The following AUTS2 variants were observed in gnomAD, a reference collection of about 807,000 sequenced individuals.
AUTS2 encodes autism susceptibility gene 2 protein.
A neutral mutation model predicts 112.4 loss-of-function variants in AUTS2; 17 were observed. That is an observed-to-expected ratio of 0.15 (90% confidence interval 0.10 to 0.23). AUTS2 has a LOEUF of 0.23. AUTS2 is among the 10% of genes least tolerant of loss of function. The pLI is 1.00. For missense variants in AUTS2, 1,510 were observed against 1,701.6 expected (o/e 0.89, Z 1.98); for synonymous variants, 751 against 702.7 (o/e 1.07, Z -1.09).
intron 5 of AUTS2, among the ~76,000 whole-genome samples, chr7:70,521,180 T>C (rs535002295): frequency 6.6e-6 from 1 of 152,330 alleles, no homozygotes; most frequent in South Asian, 2.1e-4. Context: ...CCCCAGGCTG[T>C]GTGTACTCTT....
intron 1 of AUTS2, among the ~76,000 whole-genome samples, chr7:69,708,110 T>G (rs1160720275): frequency 6.6e-6 from 1 of 152,150 alleles, no homozygotes; most frequent in Non-Finnish European, 1.5e-5. Flanking sequence ...AGTCTCTTCA[T>G]GAAAGCTCAG....
intron 2 of AUTS2, among the ~76,000 whole-genome samples, chr7:69,913,895 C>T (rs1795458747): frequency 6.6e-6 from 1 of 152,146 alleles, no homozygotes; most frequent in Admixed American, 6.5e-5. Flanking sequence ...CCCTGGACAC[C>T]TTATGCTATC....
chr7:70,116,528 C>T (rs1805364249), intron 2 of AUTS2, among the ~76,000 whole-genome samples: 1 of 152,148 alleles, frequency 6.6e-6, no homozygotes, highest in African/African-American at 2.4e-5. Context: ...TTTGAAGTTT[C>T]CTCCTGTCTA....
rs183033011 is a variant in AUTS2 at position 70,542,778 on chromosome 7, C to G, written c.690+106997C>G. ...CACACAGTTATACTGAGTAGCTGAG[C>G]CAGGTGTCTTAAATCCAGGTTGTCT... On this transcript the variant is annotated intron_variant, in intron 5 of 18. Coordinates refer to ENST00000342771, the MANE Select transcript of AUTS2 (RefSeq NM_015570.4). 6.6e-5 allele frequency among the ~76,000 whole-genome samples: 10 copies of G among 152,264 alleles called. No individual in the cohort carries two copies. The South Asian group carries it at 2.1e-3, about 32-fold the overall frequency.
At position 69,644,440 on chromosome 7, in the gene AUTS2, G is replaced by A. The variant is rs371973637; in HGVS notation, c.309+44478G>A. Among the ~76,000 whole-genome samples the A allele has an allele frequency of 1.9e-3, 287 of 151,070 alleles. 2 individuals carry two copies. Among genetic ancestry groups the A allele is most frequent in the African/African-American group, 6.7e-3 (275 of 41,060 alleles). On this transcript the variant is annotated intron_variant, in intron 1 of 18. Transcript: ENST00000342771. ...GAAAACAAAATGTTGCTGTTGTAAA[G>A]CCTTGATGGTGGGAAGTTATGTAGT...
chr7:70,535,307 A>T (rs930138687), intron 5 of AUTS2, among the ~76,000 whole-genome samples: 3 of 152,196 alleles, frequency 2.0e-5, no homozygotes, highest in African/African-American at 7.2e-5. Flanking sequence ...CACTAATACC[A>T]AAGAACAAGA....
intron 4 of AUTS2, among the ~76,000 whole-genome samples, chr7:70,400,282 A>C (rs1372769776): frequency 2.0e-5 from 3 of 152,232 alleles, no homozygotes; most frequent in Non-Finnish European, 4.4e-5. Flanking sequence ...AATAAGTGAT[A>C]GAACATGTAT....
intron 1 of AUTS2, among the ~76,000 whole-genome samples, chr7:69,635,497 A>T (rs934458262): frequency 9.2e-5 from 14 of 152,222 alleles, no homozygotes; most frequent in Non-Finnish European, 2.9e-5. Context: ...ATGTGGGGTC[A>T]GTCTTAACAA....
chr7:70,728,303 T>A (rs980141111), intron 6 of AUTS2, among the ~76,000 whole-genome samples: 3 of 152,194 alleles, frequency 2.0e-5, no homozygotes, highest in African/African-American at 7.2e-5. Context: ...AATCCTAAAC[T>A]TATCCTTAAA....
chr7:70,789,643 C>T, intron 18 of AUTS2, 105 bp from the exon 19 acceptor site: 1 of 1,369,328 alleles, frequency 7.3e-7, no homozygotes, highest in South Asian at 1.4e-5. Flanking sequence ...GGGAAGCAGC[C>T]CCCAGCCTGT....
chr7:70,497,013 A>G (rs1479247239), intron 5 of AUTS2, among the ~76,000 whole-genome samples: 4 of 99,598 alleles, frequency 4.0e-5, no homozygotes, highest in Non-Finnish European at 6.1e-5. Flanking sequence ...GTACACAGTC[A>G]GACACACACA....
chr7:69,695,149 T>TC (rs1797501613), intron 1 of AUTS2, among the ~76,000 whole-genome samples: 1 of 151,634 alleles, frequency 6.6e-6, no homozygotes, highest in Non-Finnish European at 1.5e-5. Context: ...ACAGTGAGAC[T>TC]CCATTTCTAC....
intron 5 of AUTS2, among the ~76,000 whole-genome samples, chr7:70,517,753 G>A (rs1053202958): frequency 2.6e-4 from 39 of 151,448 alleles, no homozygotes; most frequent in African/African-American, 9.2e-4. Flanking sequence ...ACACACACAC[G>A]ATTTGTGTCC....
intron 5 of AUTS2, among the ~76,000 whole-genome samples, chr7:70,474,629 G>C (rs115364592): frequency 6.6e-6 from 1 of 152,070 alleles, no homozygotes; most frequent in Non-Finnish European, 1.5e-5. Flanking sequence ...TCATTTATTC[G>C]TCTTATTTAG....
intron 1 of AUTS2, among the ~76,000 whole-genome samples, chr7:69,629,133 G>T (rs559990126): frequency 6.6e-6 from 1 of 152,160 alleles, no homozygotes; most frequent in African/African-American, 2.4e-5. Context: ...ATACCCTTTT[G>T]CTACTTCAAG....
In AUTS2 at chr7:69,967,859, T is replaced by G. The variant is rs192414011; in HGVS notation, c.522+68361T>G. On this transcript the variant is annotated intron_variant, in intron 2 of 18. Coordinates refer to ENST00000342771, the MANE Select transcript of AUTS2 (RefSeq NM_015570.4). ...GAAACCTGCCACCTCCCTCCAGTCTTGTCATGTTGATGGGCTCCTCTGGCC... is the reference window on the plus strand; with the variant it reads ...GAAACCTGCCACCTCCCTCCAGTCTGGTCATGTTGATGGGCTCCTCTGGCC... Among the ~76,000 whole-genome samples, 403 of 152,256 alleles carry G rather than the reference T, an allele frequency of 2.6e-3. 1 individual carries two copies. Among genetic ancestry groups the G allele is most frequent in the Non-Finnish European group, 4.4e-3 (300 of 68,004 alleles).
intron 5 of AUTS2, among the ~76,000 whole-genome samples, chr7:70,446,482 C>G (rs1796324017): frequency 6.6e-6 from 1 of 152,110 alleles, no homozygotes; most frequent in Non-Finnish European, 1.5e-5. Flanking sequence ...TTTGTATTTA[C>G]TTTGGGAGTG....
intron 5 of AUTS2, among the ~76,000 whole-genome samples, chr7:70,545,581 T>C (rs1800738642): frequency 6.6e-6 from 1 of 152,204 alleles, no homozygotes; most frequent in Non-Finnish European, 1.5e-5. Context: ...TAGAAAATGG[T>C]CCGTTCATGT....
intron 1 of AUTS2, among the ~76,000 whole-genome samples, chr7:69,743,902 C>A (rs6955815): frequency 0.72 from 108,702 of 151,926 alleles, 38,954 homozygotes; most frequent in East Asian, 0.78. Flanking sequence ...GCTCAAGCAA[C>A]TTCTCCCATC....
Sources: gnomAD v4.1 joint callset for allele counts (sites outside exome capture counted in the v4.1 genomes callset) on GRCh38, gnomAD v4.1.1 for gene constraint, MANE v1.5 for transcripts, NCBI Gene and HGNC (gene_info 2026-07-23, HGNC 2026-07-21) for gene names.